TAFA5: variants seen among roughly 807,000 people sequenced by gnomAD.
TAFA5 encodes the protein TAFA chemokine like family member 5, also known as chemokine-like protein TAFA-5.
Under a neutral mutation model 15.3 loss-of-function variants are expected in TAFA5, and 6 were observed. The ratio of observed to expected loss-of-function variants is 0.39; its 90% CI spans 0.21 to 0.77. The LOEUF (loss-of-function observed/expected upper bound fraction) is 0.77. Among genes scored for constraint, TAFA5 ranks in the 30% least tolerant of loss-of-function variants. The pLI is 0.41. For missense variants in TAFA5, 161 were observed against 193.1 expected, an observed-to-expected ratio of 0.83 and a Z score of 0.98; for synonymous variants, 103 against 80.7, an observed-to-expected ratio of 1.28 and a Z score of -1.48.
chr22:48,576,492 G>A, intron 1 of TAFA5: 1 of 1,485,774 alleles, frequency 6.7e-7, no homozygotes, highest in Non-Finnish European at 9.0e-7. Context: ...TGCAGCTCCT[G>A]AAGGCGCTCT....
At chr22:48,540,055 C>T (rs1922309619) in intron 1 of TAFA5, among the ~76,000 whole-genome samples, 1 of 152,112 alleles carries the variant, frequency 6.6e-6, no homozygotes, top group Non-Finnish European at 1.5e-5. Context: ...TAGGAGCAGC[C>T]GGGTAAAAGC....
intron 2 of TAFA5, among the ~76,000 whole-genome samples, chr22:48,666,050 C>A (rs1254928667): frequency 2.0e-5 from 3 of 152,206 alleles, no homozygotes; most frequent in Non-Finnish European, 2.9e-5. Context: ...TGGGAGAGGT[C>A]CCCGGCCTGG....
At chr22:48,525,274 T>C (rs1569167557) in intron 1 of TAFA5, among the ~76,000 whole-genome samples, 1 of 152,138 alleles carries the variant, frequency 6.6e-6, no homozygotes, top group Non-Finnish European at 1.5e-5. Context: ...ATGCTCCCCA[T>C]GGGGGGTCCC....
intron 1 of TAFA5, among the ~76,000 whole-genome samples, chr22:48,637,138 G>T (rs1926478877): frequency 6.6e-6 from 1 of 152,180 alleles, no homozygotes; most frequent in Non-Finnish European, 1.5e-5. Flanking sequence ...CTTTGTCAGG[G>T]TACAGACACC....
At chr22:48,571,968 T>C (rs1923607561) in intron 1 of TAFA5, among the ~76,000 whole-genome samples, 1 of 152,168 alleles carries the variant, frequency 6.6e-6, no homozygotes, top group Non-Finnish European at 1.5e-5. Flanking sequence ...TCACATTAAT[T>C]TCCAGGAGTT....
intron 1 of TAFA5, among the ~76,000 whole-genome samples, chr22:48,510,452 G>A (rs1031153632): frequency 9.2e-5 from 14 of 152,198 alleles, no homozygotes; most frequent in Admixed American, 7.8e-4. Context: ...GTTGATGTTC[G>A]GTGTTCATTG....
chr22:48,593,385 G>A (rs1316085842), intron 1 of TAFA5, among the ~76,000 whole-genome samples: 1 of 152,190 alleles, frequency 6.6e-6, no homozygotes, highest in Admixed American at 6.5e-5. Flanking sequence ...ATTACTGATG[G>A]TGACCGATGT....
At chr22:48,600,399 C>G (rs921675558) in intron 1 of TAFA5, among the ~76,000 whole-genome samples, 15 of 152,304 alleles carry the variant, frequency 9.8e-5, no homozygotes, top group African/African-American at 3.6e-4. Context: ...AGGCCTCGCA[C>G]CAGCTCTGGG....
chr22:48,558,938 A>G (rs1444108253), intron 1 of TAFA5, among the ~76,000 whole-genome samples: 1 of 152,218 alleles, frequency 6.6e-6, no homozygotes, highest in African/African-American at 2.4e-5. Context: ...AGCAGGTGCC[A>G]GGCCTGAACT....
intron 2 of TAFA5, among the ~76,000 whole-genome samples, chr22:48,673,644 T>A (rs961286436): frequency 2.6e-5 from 4 of 152,156 alleles, no homozygotes; most frequent in African/African-American, 4.8e-5. Context: ...TGTGTAGGGC[T>A]TGGATGTCAA....
At chr22:48,534,216 A>G (rs185948884) in intron 1 of TAFA5, among the ~76,000 whole-genome samples, 2 of 148,010 alleles carry the variant, frequency 1.4e-5, no homozygotes, top group Non-Finnish European at 1.5e-5. Context: ...GGTGAAATGA[A>G]TAAGTCAGGT....
intron 1 of TAFA5, among the ~76,000 whole-genome samples, chr22:48,579,080 C>T (rs558332339): frequency 7.2e-5 from 11 of 152,278 alleles, no homozygotes; most frequent in Admixed American, 5.9e-4. Context: ...GCCGTTTTTC[C>T]ACACTTCTCC....
chr22:48,615,703 C>A (rs1292468319), intron 1 of TAFA5, among the ~76,000 whole-genome samples: 2 of 152,146 alleles, frequency 1.3e-5, no homozygotes, highest in East Asian at 1.9e-4. Context: ...CCGCCCCCAT[C>A]CCCCCCTCTC....
chr22:48,680,486 G>A lies in TAFA5; in HGVS notation c.263-27231G>A, dbSNP rs575721013. 4.1e-5 allele frequency among the ~76,000 whole-genome samples: 3 copies of A among 72,932 alleles called. No individual in the cohort carries two copies. In the South Asian group the frequency reaches 9.8e-4, roughly 24 times the overall value. The allele number at this position is 72,932 out of a possible 152,430, so 47.8% of individuals were successfully genotyped here. A position where few individuals can be genotyped will look rare whatever the true frequency, so the allele number is the denominator to read the frequency against. Reference sequence around the variant, plus strand: ...GAGAGAAGGGCGAGGGGGCTAAGAGGTGACGGCAGCACACTGAGAGGGGCC... The same window carrying A: ...GAGAGAAGGGCGAGGGGGCTAAGAGATGACGGCAGCACACTGAGAGGGGCC... On this transcript the variant is annotated intron_variant, in intron 2 of 3. Coordinates refer to ENST00000402357, the MANE Select transcript of TAFA5 (RefSeq NM_001082967.3).
intron 2 of TAFA5, among the ~76,000 whole-genome samples, chr22:48,654,104 G>A (rs557313616): frequency 1.3e-4 from 20 of 152,236 alleles, no homozygotes; most frequent in Middle Eastern, 3.4e-3. Flanking sequence ...GTCCCGTCAC[G>A]TTGGCGCCGC....
chr22:48,658,266 C>T (rs972727040), intron 2 of TAFA5, among the ~76,000 whole-genome samples: 8 of 152,176 alleles, frequency 5.3e-5, no homozygotes, highest in Non-Finnish European at 8.8e-5. Context: ...CGAGGTCTTA[C>T]GACTGCTGCG....
At chr22:48,531,711 T>C (rs901161773) in intron 1 of TAFA5, among the ~76,000 whole-genome samples, 2 of 152,148 alleles carry the variant, frequency 1.3e-5, no homozygotes, top group African/African-American at 4.8e-5. Flanking sequence ...AGAGACCACA[T>C]GCCTCTTGGG....
intron 1 of TAFA5, among the ~76,000 whole-genome samples, chr22:48,558,893 T>C (rs939954317): frequency 6.6e-5 from 10 of 151,706 alleles, no homozygotes; most frequent in African/African-American, 2.4e-4. Flanking sequence ...TGCCAGGGAG[T>C]GAGAGAATAG....
chr22:48,721,226 CCT>C (rs1407834424), intron 3 of TAFA5, among the ~76,000 whole-genome samples: 1 of 152,226 alleles, frequency 6.6e-6, no homozygotes, highest in Non-Finnish European at 1.5e-5. Context: ...GAGGGTTGCC[CCT>C]GTGAGGGACA....
Sources: allele counts gnomAD v4.1 joint callset (sites outside exome capture counted in the v4.1 genomes callset), GRCh38; gene constraint gnomAD v4.1.1; transcripts MANE v1.5; gene names NCBI Gene and HGNC (gene_info 2026-07-23, HGNC 2026-07-21).